STX12: variants seen among roughly 807,000 people sequenced by gnomAD.
The protein encoded by STX12 is syntaxin-12.
Under a neutral mutation model 42.2 loss-of-function variants are expected in STX12, and 17 were observed. That is an observed-to-expected ratio of 0.40 (90% CI 0.28 to 0.60). The LOEUF (loss-of-function observed/expected upper bound fraction) is 0.60. Ranked by LOEUF, STX12 falls within the 20% of genes least tolerant of loss-of-function variation. The pLI is 0.39. For missense variants in STX12, 297 were observed against 330.9 expected, an observed-to-expected ratio of 0.90 and a Z score of 0.79; for synonymous variants, 108 against 116.7, an observed-to-expected ratio of 0.93 and a Z score of 0.48.
chr1:27,812,060 G>A, intron 5 of STX12, 103 bp from the exon 6 acceptor site: 1 of 920,282 alleles, frequency 1.1e-6, no homozygotes, highest in South Asian at 1.4e-5. Flanking sequence ...CTGGAGCCCT[G>A]GTAATGTCTT....
At chr1:27,801,448 C>T (rs966541770) in intron 3 of STX12, among the ~76,000 whole-genome samples, 9 of 151,808 alleles carry the variant, frequency 5.9e-5, no homozygotes, top group African/African-American at 2.2e-4. Flanking sequence ...AAATGCAACC[C>T]AGTTCCAGGT....
At chr1:27,777,710 C>T (rs944238939) in intron 1 of STX12, among the ~76,000 whole-genome samples, 1 of 151,950 alleles carries the variant, frequency 6.6e-6, no homozygotes, top group Non-Finnish European at 1.5e-5. Flanking sequence ...TATGGTGAAA[C>T]CCTGTCTTTA....
At chr1:27,778,419 G>A (rs1455834855) in intron 1 of STX12, among the ~76,000 whole-genome samples, 1 of 152,124 alleles carries the variant, frequency 6.6e-6, no homozygotes, top group Non-Finnish European at 1.5e-5. Context: ...GACTGGGCGA[G>A]GTGTCTCACG....
At position 27,822,824 on chromosome 1, in the gene STX12, A is replaced by G. The variant is rs1430669563; in HGVS notation, c.*495A>G. On this transcript the variant is annotated 3_prime_UTR_variant, in exon 9 of 9. Coordinates refer to ENST00000373943, the MANE Select transcript of STX12 (RefSeq NM_177424.3). Reference sequence around the variant, plus strand: ...TTTCTAAGAAGCCTATTCTCTATCTATTTTGAAAGATTTTGGCACTATATT... The same window carrying G: ...TTTCTAAGAAGCCTATTCTCTATCTGTTTTGAAAGATTTTGGCACTATATT... The G allele has an allele frequency of 1.3e-5, 2 of 152,832 alleles. No homozygotes were observed. The highest frequency in any genetic ancestry group is 2.4e-5 in the African/African-American group (1 of 41,448). 9.5% of individuals were successfully genotyped at this position (152,832 alleles called of 1,614,324 possible).
At chr1:27,789,770 A>G in intron 2 of STX12, 139 bp downstream of exon 2, 1 of 620,724 alleles carries the variant, frequency 1.6e-6, no homozygotes, top group Non-Finnish European at 2.9e-6. Context: ...CTGGATCTAA[A>G]AGAGGGGCGG....
At chr1:27,793,384 A>T (rs896564707) in intron 2 of STX12, 149 bp from the exon 3 acceptor site, 2 of 619,218 alleles carry the variant, frequency 3.2e-6, no homozygotes, top group Non-Finnish European at 5.7e-6. Context: ...TATTTCTGGA[A>T]TTTTGTTGTG....
chr1:27,787,756 G>A (rs945279482), intron 1 of STX12, among the ~76,000 whole-genome samples: 5 of 152,034 alleles, frequency 3.3e-5, no homozygotes, highest in Non-Finnish European at 7.4e-5. Context: ...TGATCTTGGT[G>A]ACCAAATTAG....
intron 1 of STX12, among the ~76,000 whole-genome samples, 172 bp downstream of exon 1, chr1:27,773,597 G>C (rs112057243): frequency 1.1e-4 from 16 of 152,306 alleles, no homozygotes; most frequent in African/African-American, 3.6e-4. Context: ...TCAGGCCCGG[G>C]TTGCCCGAGG....
At chr1:27,812,376 C>T (rs1472013336) in intron 6 of STX12, 108 bp downstream of exon 6, 4 of 799,390 alleles carry the variant, frequency 5.0e-6, no homozygotes, top group East Asian at 5.5e-5. Flanking sequence ...TAAAATGTGT[C>T]ATTGTGTGAT....
intron 2 of STX12, among the ~76,000 whole-genome samples, chr1:27,793,092 C>T (rs1571522012): frequency 6.6e-6 from 1 of 152,348 alleles, no homozygotes; most frequent in African/African-American, 2.4e-5. Context: ...AGGTAGGAAG[C>T]TACGCTTTTA....
At chr1:27,812,855 T>C (rs1571531809) in intron 6 of STX12, among the ~76,000 whole-genome samples, 1 of 152,250 alleles carries the variant, frequency 6.6e-6, no homozygotes, top group East Asian at 1.9e-4. Context: ...GAAATGTACA[T>C]GGAGAACAGA....
chr1:27,816,777 G>A (rs962062491), intron 6 of STX12, among the ~76,000 whole-genome samples: 3 of 152,004 alleles, frequency 2.0e-5, no homozygotes, highest in Non-Finnish European at 4.4e-5. Flanking sequence ...TTATCCGGGC[G>A]TGGTGGCATG....
At chr1:27,814,674 C>A (rs1378192838) in intron 6 of STX12, among the ~76,000 whole-genome samples, 1 of 151,774 alleles carries the variant, frequency 6.6e-6, no homozygotes, top group Non-Finnish European at 1.5e-5. Context: ...CATGGTAAAA[C>A]CCCGTGTCTA....
chr1:27,802,205 A>G (rs2088832417), intron 4 of STX12, among the ~76,000 whole-genome samples: 1 of 152,220 alleles, frequency 6.6e-6, no homozygotes, highest in Non-Finnish European at 1.5e-5. Context: ...AAAAGTATCA[A>G]AGATTATGAA....
In STX12 at chr1:27,793,533, G is replaced by T. The variant is rs202072977; in HGVS notation, c.189G>T (p.Leu63=). ...CTGAAACATATCTTTTCTCTCTTAG[G>T]CAACAGTTACAACACTCCACAAATC... ...KQDSSKLQEN[L]QQLQHSTNQL... The change falls in exon 3 of 9, where the codon CTG becomes CTT. Residue 63 remains leucine, a splice_region_variant and synonymous_variant. Coordinates refer to ENST00000373943, the MANE Select transcript of STX12 (RefSeq NM_177424.3). 1.9e-6 allele frequency: 3 copies of T among 1,613,456 alleles called. No homozygotes were observed. Among genetic ancestry groups the T allele is most frequent in the Admixed American group, 3.3e-5 (2 of 59,980 alleles).
chr1:27,811,371 G>A (rs1318786354), intron 5 of STX12, among the ~76,000 whole-genome samples: 1 of 151,200 alleles, frequency 6.6e-6, no homozygotes, highest in Non-Finnish European at 1.5e-5. Context: ...TTGGCAGGTT[G>A]AGGCAGGAGG....
chr1:27,801,799 C>G lies in STX12; in HGVS notation c.410C>G (p.Ala137Gly). 1 of 1,583,180 alleles carries G rather than the reference C, an allele frequency of 6.3e-7. No individual in the cohort carries two copies. The highest frequency in any genetic ancestry group is 8.5e-7 in the Non-Finnish European group (1 of 1,169,664). ...KEKESIARARAGSRLSAEERQ... is the reference protein window; with the variant it reads ...KEKESIARARGGSRLSAEERQ... ...AAGGAGAGTATTGCCAGAGCAAGAG[C>G]TGGATCTCGTCTTTCTGTAAGTTGA... The change falls in exon 4 of 9, where the codon GCT becomes GGT. Residue 137 changes from alanine (A) to glycine (G), a missense_variant. Transcript: ENST00000373943.
intron 1 of STX12, among the ~76,000 whole-genome samples, chr1:27,779,736 C>CT (rs1429693054): frequency 6.6e-6 from 1 of 151,958 alleles, no homozygotes; most frequent in Non-Finnish European, 1.5e-5. Flanking sequence ...AGGCTATTTT[C>CT]TTTATGTTTC....
At position 27,812,226 on chromosome 1, in the gene STX12, G is replaced by A; in HGVS notation, c.534G>A (p.Leu178=). ...AGGTGGCCATCACTGAGCAGGATTT[G>A]GAACTTATTAAAGAAAGAGAAACGG... The part of the protein sequence containing the change: ...EDEVAITEQD[L]ELIKERETAI... Residue 178 remains leucine (L), a synonymous_variant, in exon 6 of 9, where the codon TTG becomes TTA. Coordinates refer to ENST00000373943, the MANE Select transcript of STX12 (RefSeq NM_177424.3). The A allele has an allele frequency of 5.8e-6, 9 of 1,561,120 alleles. No individual in the cohort carries two copies. Among genetic ancestry groups the A allele is most frequent in the Non-Finnish European group, 7.8e-6 (9 of 1,151,778 alleles).
Sources: allele counts gnomAD v4.1 joint callset (sites outside exome capture counted in the v4.1 genomes callset), GRCh38; gene constraint gnomAD v4.1.1; transcripts MANE v1.5; gene names NCBI Gene and HGNC (gene_info 2026-07-23, HGNC 2026-07-21).